Variants in TAGLN3 observed in about 807,000 individuals in gnomAD.
The protein encoded by TAGLN3 is transgelin 3, also known as transgelin-3.
TAGLN3 carries 12 observed loss-of-function variants against 25.4 expected under a neutral mutation model. The ratio of observed to expected loss-of-function variants is 0.47; its 90% CI spans 0.30 to 0.77. TAGLN3 has a LOEUF of 0.77. TAGLN3 is among the 30% of genes least tolerant of loss of function. The pLI is 0.06. For missense variants in TAGLN3, 218 were observed against 255.8 expected (o/e 0.85, Z 1.01); for synonymous variants, 96 against 94.8 (o/e 1.01, Z -0.08).
At chr3:111,999,891 C>A (rs2072836955) in intron 2 of TAGLN3, among the ~76,000 whole-genome samples, 1 of 152,160 alleles carries the variant, frequency 6.6e-6, no homozygotes, top group Non-Finnish European at 1.5e-5. Context: ...TAAGTATGTC[C>A]TTGTAATTTC....
intron 3 of TAGLN3, among the ~76,000 whole-genome samples, chr3:112,010,457 C>T (rs563651599): frequency 6.6e-6 from 1 of 152,330 alleles, no homozygotes; most frequent in East Asian, 1.9e-4. Context: ...ATCATTACTA[C>T]ATTTATATTT....
At chr3:112,010,017 G>C (rs915273160) in intron 3 of TAGLN3, among the ~76,000 whole-genome samples, 26 of 151,358 alleles carry the variant, frequency 1.7e-4, no homozygotes, top group Non-Finnish European at 3.4e-4. Context: ...CTTATATATA[G>C]TCTTATATAT....
intron 2 of TAGLN3, chr3:112,000,532 C>A (rs2072844154): frequency 5.0e-6 from 2 of 396,320 alleles, no homozygotes; most frequent in South Asian, 1.5e-4. Flanking sequence ...GGGAATGGCG[C>A]TCCCAGGCTA....
chr3:112,000,726 A>G (rs772936834), intron 2 of TAGLN3, 46 bp from the exon 3 acceptor site: 2 of 1,587,418 alleles, frequency 1.3e-6, no homozygotes, highest in East Asian at 2.2e-5. Flanking sequence ...CTTGACCTGT[A>G]AATACAAAGG....
At chr3:111,999,736 C>A in intron 2 of TAGLN3, 134 bp downstream of exon 2, 1 of 1,182,474 alleles carries the variant, frequency 8.5e-7, no homozygotes, top group Non-Finnish European at 1.2e-6. Context: ...GATGAGAATG[C>A]CTTTATTTCT....
At chr3:112,000,283 C>T (rs1028979890) in intron 2 of TAGLN3, among the ~76,000 whole-genome samples, 17 of 152,110 alleles carry the variant, frequency 1.1e-4, no homozygotes, top group African/African-American at 3.6e-4. Context: ...AAAAAGGTAC[C>T]ACATCCACTT....
At chr3:112,000,659 T>C in intron 2 of TAGLN3, 113 bp from the exon 3 acceptor site, 1 of 1,217,470 alleles carries the variant, frequency 8.2e-7, no homozygotes, top group Non-Finnish European at 1.2e-6. Context: ...GCCCATGACT[T>C]GCTCCTGCCC....
intron 3 of TAGLN3, among the ~76,000 whole-genome samples, chr3:112,006,175 G>A (rs554901562): frequency 7.9e-5 from 12 of 152,082 alleles, no homozygotes; most frequent in Admixed American, 2.6e-4. Flanking sequence ...AGCATGCATC[G>A]GAATCACTAG....
chr3:111,999,562 CCG>C lies in TAGLN3; in HGVS notation c.141_142del (p.Gly48GlnfsTer20). On this transcript the variant is annotated frameshift_variant, in exon 2 of 5. Transcript: ENST00000478951. LOFTEE classifies it high-confidence loss of function. ...GCCGAGGACATAGAGCACCCGCCCC[CCG>C]GCAGGGCCCATTTTCAGAAATGGTT... The C allele has an allele frequency of 6.2e-7, 1 of 1,614,156 alleles. No homozygotes were observed. The highest frequency in any genetic ancestry group is 1.1e-5 in the South Asian group (1 of 91,058).
chr3:111,999,247 G>T, intron 1 of TAGLN3, 133 bp downstream of exon 1: 1 of 662,094 alleles, frequency 1.5e-6, no homozygotes, highest in Non-Finnish European at 2.5e-6. Flanking sequence ...CCGTTTGTAG[G>T]TGAAACCCCA....
chr3:112,012,280 TTC>T (rs2072987383), intron 4 of TAGLN3, among the ~76,000 whole-genome samples: 1 of 86,162 alleles, frequency 1.2e-5, no homozygotes, highest in Non-Finnish European at 2.4e-5. Context: ...TCCTTCCTCC[TTC>T]CCTCCCTCCC....
intron 2 of TAGLN3, among the ~76,000 whole-genome samples, chr3:112,000,278 G>T (rs182769855): frequency 3.3e-5 from 5 of 152,204 alleles, no homozygotes; most frequent in Non-Finnish European, 5.9e-5. Context: ...CTGGGAAAAA[G>T]GTACCACATC....
At chr3:112,009,780 TC>T (rs1358010457) in intron 3 of TAGLN3, among the ~76,000 whole-genome samples, 3 of 152,118 alleles carry the variant, frequency 2.0e-5, no homozygotes, top group African/African-American at 7.2e-5. Context: ...TCCAATTTCT[TC>T]CTGTCAAATA....
intron 2 of TAGLN3, 71 bp downstream of exon 2, chr3:111,999,673 G>A: frequency 6.4e-7 from 1 of 1,550,614 alleles, no homozygotes; most frequent in Non-Finnish European, 8.7e-7. Flanking sequence ...TTCTTTTAAC[G>A]TAAGGCTGCG....
rs1576075826 is a variant in TAGLN3, at chr3:112,000,845, T to C, written c.254T>C (p.Met85Thr). 1 of 1,614,214 alleles carries C rather than the reference T, an allele frequency of 6.2e-7. No individual in the cohort carries two copies. Among genetic ancestry groups the C allele is most frequent in the Non-Finnish European group, 8.5e-7 (1 of 1,180,026 alleles). Residue 85 changes from methionine to threonine, a missense_variant, in exon 3 of 5, where the codon ATG becomes ACG. By Grantham distance (81) the Met-to-Thr change is moderately conservative. Transcript: ENST00000478951. ...EPIPKISESK[M>T]AFKQMEQISQ... is the part of the protein sequence containing the mutation. Reference sequence around the variant, plus strand: ...ATACCCAAGATCTCAGAGTCAAAGATGGCTTTTAAGCAGATGGAGCAAATC... The same window carrying C: ...ATACCCAAGATCTCAGAGTCAAAGACGGCTTTTAAGCAGATGGAGCAAATC...
Position 112,000,785 on chromosome 3 carries a change from T to A in TAGLN3, c.194T>A (p.Leu65Gln), listed in dbSNP as rs781085133. Reference protein sequence around the residue: ...WLMDGTVLCKLINSLYPPGQE... With the variant: ...WLMDGTVLCKQINSLYPPGQE... ...CTCCCTCTTCAGGTCCTGTGCAAGC[T>A]GATAAATAGTTTATACCCACCAGGA... The change falls in exon 3 of 5, where the codon CTG becomes CAG. Residue 65 changes from leucine to glutamine, a missense_variant. Physicochemically the swap from Leu to Gln is moderately radical, Grantham distance 113. Coordinates refer to ENST00000478951, the MANE Select transcript of TAGLN3 (RefSeq NM_001008272.2). 6.2e-7 allele frequency: 1 copy of A among 1,613,964 alleles called. No homozygotes were observed. Among genetic ancestry groups the A allele is most frequent in the Non-Finnish European group, 8.5e-7 (1 of 1,179,882 alleles).
In TAGLN3 at chr3:112,001,030, T is replaced by G. The variant is rs2072852802; in HGVS notation, c.355+84T>G. ...TTGTAAAAACTGCTCACAGTGTTCT[T>G]CCCTGTGCCGATTGATGTGTGTAAG... On this transcript the variant is annotated intron_variant, in intron 3 of 4. Transcript: ENST00000478951. 3.2e-6 allele frequency: 4 copies of G among 1,268,550 alleles called. 1 individual carries two copies. The highest frequency in any genetic ancestry group is 5.4e-4 in the Middle Eastern group (2 of 3,672). The allele number at this position is 1,268,550 out of a possible 1,614,324, so 78.6% of individuals were successfully genotyped here.
At chr3:112,009,396 G>A (rs565111658) in intron 3 of TAGLN3, among the ~76,000 whole-genome samples, 1 of 152,348 alleles carries the variant, frequency 6.6e-6, no homozygotes, top group East Asian at 1.9e-4. Flanking sequence ...CTGTGCTCCA[G>A]TTTTATTCCC....
chr3:112,004,777 G>A (rs574682794), intron 3 of TAGLN3, among the ~76,000 whole-genome samples: 2 of 151,950 alleles, frequency 1.3e-5, no homozygotes, highest in African/African-American at 4.8e-5. Flanking sequence ...ATAAGGGAGG[G>A]AAAAGTAAGT....
Sources: gnomAD v4.1 joint callset for allele counts (sites outside exome capture counted in the v4.1 genomes callset) on GRCh38, gnomAD v4.1.1 for gene constraint, MANE v1.5 for transcripts, NCBI Gene and HGNC (gene_info 2026-07-23, HGNC 2026-07-21) for gene names.